The following ITGA1 variants were observed in gnomAD, a reference collection of about 807,000 sequenced individuals.
ITGA1 encodes the protein integrin subunit alpha 1, also known as integrin alpha-1.
A neutral mutation model predicts 145.9 loss-of-function variants in ITGA1; 85 were observed. The ratio of observed to expected loss-of-function variants is 0.58; its 90% CI spans 0.49 to 0.70. ITGA1 has a LOEUF of 0.70. Among genes scored for constraint, ITGA1 ranks in the 30% least tolerant of loss-of-function variants. The probability of loss-of-function intolerance (pLI) is 0.00; values close to 1 mark genes in which losing one functional copy is unlikely to be tolerated. For missense variants in ITGA1, 1,351 were observed against 1,418.7 expected (o/e 0.95, Z 0.77); for synonymous variants, 520 against 495.3 (o/e 1.05, Z -0.66).
rs762074526 is a variant in ITGA1, at chr5:52,800,296, C to T, written c.61+11882C>T. On this transcript the variant is annotated intron_variant, in intron 1 of 28. Transcript: ENST00000282588. ...GGCAAGTGCCCTTAGAAACCGGGCC[C>T]CGCCCCCTTCCTGGCCTGCATTCCC... is the stretch of plus-strand genomic sequence containing the variant. 4.6e-5 allele frequency: 63 copies of T among 1,378,870 alleles called. No homozygotes were observed. The Middle Eastern group carries it at 1.8e-3, about 40-fold the overall frequency. 85.4% of individuals were successfully genotyped at this position (1,378,870 alleles called of 1,614,324 possible).
At chr5:52,830,485 G>GT (rs992575450) in intron 1 of ITGA1, among the ~76,000 whole-genome samples, 10 of 152,114 alleles carry the variant, frequency 6.6e-5, no homozygotes, top group South Asian at 2.1e-4. Flanking sequence ...TATTTGACAG[G>GT]TTTTTTAAAA....
chr5:52,836,486 C>T (rs1218636306), intron 1 of ITGA1, among the ~76,000 whole-genome samples: 8 of 151,934 alleles, frequency 5.3e-5, no homozygotes, highest in Admixed American at 4.6e-4. Context: ...TTTTTTTGGT[C>T]CCGCCTTGGA....
chr5:52,824,825 A>G (rs1210057559), intron 1 of ITGA1: 1 of 152,206 alleles, frequency 6.6e-6, no homozygotes, highest in Non-Finnish European at 1.5e-5. Context: ...TCTATATATT[A>G]TTTGTTACAA....
chr5:52,908,615 GAAGA>G (rs1750447523), intron 12 of ITGA1, among the ~76,000 whole-genome samples: 1 of 152,206 alleles, frequency 6.6e-6, no homozygotes, highest in African/African-American at 2.4e-5. Context: ...GATTTGTGGA[GAAGA>G]AAGAGAGGTT....
intron 21 of ITGA1, chr5:52,931,717 C>G (rs1750895915): frequency 5.7e-6 from 1 of 174,658 alleles, no homozygotes; most frequent in Non-Finnish European, 1.2e-5. Context: ...GTTGGAACCC[C>G]TAAATCCATA....
chr5:52,861,302 G>T, intron 2 of ITGA1, 145 bp from the exon 3 acceptor site: 1 of 616,386 alleles, frequency 1.6e-6, no homozygotes, highest in Non-Finnish European at 2.9e-6. Flanking sequence ...TCTCTGCTTA[G>T]TTTACATAAC....
intron 1 of ITGA1, among the ~76,000 whole-genome samples, chr5:52,810,536 G>T (rs1363871977): frequency 6.6e-6 from 1 of 152,192 alleles, no homozygotes; most frequent in Non-Finnish European, 1.5e-5. Context: ...TTATGAGGAG[G>T]AATGAACTCT....
At position 52,908,895 on chromosome 5, in the gene ITGA1, T is replaced by A; in HGVS notation, c.1456-3T>A. The A allele has an allele frequency of 6.2e-7, 1 of 1,613,556 alleles. No homozygotes were observed. Among genetic ancestry groups the A allele is most frequent in the Non-Finnish European group, 8.5e-7 (1 of 1,179,650 alleles). On this transcript the variant is annotated splice_region_variant and splice_polypyrimidine_tract_variant and intron_variant, in intron 12 of 28. Transcript: ENST00000282588. Reference sequence around the variant, plus strand: ...GGCTGTTTTGTTTCATTTTGTGTCCTAGATTGGTTCCTACTTTGGCAGTAT... The same window carrying A: ...GGCTGTTTTGTTTCATTTTGTGTCCAAGATTGGTTCCTACTTTGGCAGTAT...
intron 1 of ITGA1, among the ~76,000 whole-genome samples, chr5:52,833,226 C>G (rs978307920): frequency 3.3e-5 from 5 of 151,794 alleles, no homozygotes; most frequent in Non-Finnish European, 7.4e-5. Flanking sequence ...TAGCCTTTAC[C>G]TGTGTGTACT....
At chr5:52,826,144 G>A (rs573020351) in intron 1 of ITGA1, among the ~76,000 whole-genome samples, 1 of 152,294 alleles carries the variant, frequency 6.6e-6, no homozygotes, top group Non-Finnish European at 1.5e-5. Flanking sequence ...AGAAAATTAA[G>A]TGCTACTCCA....
chr5:52,801,629 A>T (rs373976817), intron 1 of ITGA1: 48 of 1,613,980 alleles, frequency 3.0e-5, no homozygotes, highest in Non-Finnish European at 3.9e-5. Flanking sequence ...ATCAGCGATG[A>T]GCTCTTCAGG....
chr5:52,878,357 G>A (rs1000734145), intron 6 of ITGA1, among the ~76,000 whole-genome samples: 32 of 152,200 alleles, frequency 2.1e-4, no homozygotes, highest in Non-Finnish European at 8.8e-5. Flanking sequence ...ATTGGAGGTG[G>A]ATAGATGGAT....
At chr5:52,817,139 G>C (rs1159714676) in intron 1 of ITGA1, among the ~76,000 whole-genome samples, 1 of 152,118 alleles carries the variant, frequency 6.6e-6, no homozygotes, top group African/African-American at 2.4e-5. Context: ...CATTTAGTCT[G>C]GCTTAAATAT....
At position 52,955,923 on chromosome 5, in the gene ITGA1, A is replaced by G. The variant is rs1030620140; in HGVS notation, c.*3472A>G. On this transcript the variant is annotated 3_prime_UTR_variant, in exon 29 of 29. Transcript: ENST00000282588. The stretch of plus-strand genomic sequence containing the variant: ...TTCTGCAACCATAATAATTTTATCT[A>G]TAAATGCGTATATACATATATATAT... 17 of 124,254 alleles carry G rather than the reference A, an allele frequency of 1.4e-4. No homozygotes were observed. Among genetic ancestry groups the G allele is most frequent in the African/African-American group, 4.8e-4 (16 of 33,398 alleles). 7.7% of individuals were successfully genotyped at this position (124,254 alleles called of 1,614,324 possible).
chr5:52,885,731 G>T (rs1046289495), intron 7 of ITGA1, among the ~76,000 whole-genome samples: 20 of 152,172 alleles, frequency 1.3e-4, no homozygotes, highest in African/African-American at 4.6e-4. Context: ...TCAAATTAAA[G>T]AAATGACTTG....
intron 1 of ITGA1, among the ~76,000 whole-genome samples, chr5:52,813,723 C>A (rs958567023): frequency 6.6e-6 from 1 of 152,174 alleles, no homozygotes; most frequent in East Asian, 1.9e-4. Flanking sequence ...TTCTATGAAC[C>A]AGGAGCAGGA....
chr5:52,855,538 A>G (rs1749499589), intron 2 of ITGA1, among the ~76,000 whole-genome samples: 1 of 152,112 alleles, frequency 6.6e-6, no homozygotes, highest in Non-Finnish European at 1.5e-5. Context: ...AAATAGAAAA[A>G]CCAATCCCTA....
At chr5:52,931,521 T>G (rs1366381832) in intron 21 of ITGA1, 2 of 152,144 alleles carry the variant, frequency 1.3e-5, no homozygotes, top group Non-Finnish European at 2.9e-5. Context: ...AAATCAGTGT[T>G]TAACAAACAA....
intron 19 of ITGA1, 146 bp from the exon 20 acceptor site, chr5:52,927,438 C>T (rs1225165787): frequency 1.7e-6 from 1 of 585,712 alleles, no homozygotes; most frequent in Admixed American, 3.0e-5. Context: ...ACAGCTGGTC[C>T]CAGAATTCTG....
Sources: allele counts gnomAD v4.1 joint callset (sites outside exome capture counted in the v4.1 genomes callset), GRCh38; gene constraint gnomAD v4.1.1; transcripts MANE v1.5; gene names NCBI Gene and HGNC (gene_info 2026-07-23, HGNC 2026-07-21).